Variants in RALY observed in about 807,000 individuals in gnomAD.
RALY encodes the protein RNA-binding protein Raly.
A neutral mutation model predicts 30.7 loss-of-function variants in RALY; 15 were observed. The observed-to-expected ratio is 0.49, with a 90% CI of 0.33 to 0.75. The LOEUF is 0.75. Ranked by LOEUF, RALY falls within the 30% of genes least tolerant of loss-of-function variation. The pLI is 0.02. For synonymous variants in RALY, 177 were observed against 170.8 expected (o/e 1.04, Z -0.28); for missense variants, 339 against 414.3 (o/e 0.82, Z 1.58).
chr20:34,049,082 GA>G (rs2032989716), intron 2 of RALY: 1 of 152,950 alleles, frequency 6.5e-6, no homozygotes, highest in African/African-American at 2.4e-5. Context: ...GAGAGATGAG[GA>G]AGGTTATGGC....
chr20:34,078,686 A>G, intron 9 of RALY, 133 bp downstream of exon 9: 1 of 780,278 alleles, frequency 1.3e-6, no homozygotes, highest in Non-Finnish European at 1.8e-6. Flanking sequence ...CCAAGAATGA[A>G]GTCCCCTCCA....
intron 2 of RALY, among the ~76,000 whole-genome samples, chr20:34,056,592 A>G (rs2033251420): frequency 6.6e-6 from 1 of 152,222 alleles, no homozygotes; most frequent in African/African-American, 2.4e-5. Flanking sequence ...TCTTTTTAGC[A>G]TGTTATTCCT....
At chr20:34,008,355 A>G (rs947041205) in intron 1 of RALY, among the ~76,000 whole-genome samples, 1 of 152,192 alleles carries the variant, frequency 6.6e-6, no homozygotes, top group Non-Finnish European at 1.5e-5. Context: ...AGGGGAGAAC[A>G]TATATTTAGC....
chr20:34,048,424 G>C (rs1483424253), intron 2 of RALY, among the ~76,000 whole-genome samples: 1 of 152,114 alleles, frequency 6.6e-6, no homozygotes, highest in Non-Finnish European at 1.5e-5. Context: ...TAACAATGGA[G>C]GGACCTTCTG....
intron 2 of RALY, chr20:34,049,189 C>T (rs1192672922): frequency 6.5e-6 from 1 of 153,984 alleles, no homozygotes; most frequent in Admixed American, 6.5e-5. Context: ...AAAGTTGAAT[C>T]TTGCTAGAGT....
At chr20:34,053,157 G>A (rs1465303007) in intron 2 of RALY, among the ~76,000 whole-genome samples, 3 of 151,846 alleles carry the variant, frequency 2.0e-5, no homozygotes, top group Non-Finnish European at 4.4e-5. Flanking sequence ...ACCACATCCA[G>A]CCCAAAAATA....
At chr20:34,023,827 TA>T (rs2031920023) in intron 1 of RALY, among the ~76,000 whole-genome samples, 1 of 151,708 alleles carries the variant, frequency 6.6e-6, no homozygotes, top group Non-Finnish European at 1.5e-5. Context: ...CAGTATAGAA[TA>T]ACTTTGGAGG....
rs1304573059 is a variant in RALY, at chr20:34,080,791, T to G, written c.*886T>G. On this transcript the variant is annotated 3_prime_UTR_variant, in exon 10 of 10. Coordinates refer to ENST00000246194, the MANE Select transcript of RALY (RefSeq NM_016732.3). ...ATGTAGGGTGTAAGATCCTGCTTAC[T>G]CCAGCCTCTCCTGTTTCTTGTCACC... is the stretch of plus-strand genomic sequence containing the variant. The G allele has an allele frequency of 6.6e-6, 1 of 152,386 alleles. No homozygotes were observed. The highest frequency in any genetic ancestry group is 6.5e-5 in the Admixed American group (1 of 15,288). The allele number at this position is 152,386 out of a possible 1,614,324, so 9.4% of individuals were successfully genotyped here. A position where few individuals can be genotyped will look rare whatever the true frequency, so the allele number is the denominator to read the frequency against.
intron 1 of RALY, among the ~76,000 whole-genome samples, chr20:33,998,506 A>G (rs2424976): frequency 0.92 from 140,719 of 152,244 alleles, 65,172 homozygotes; most frequent in East Asian, 1. Context: ...GGGCCAAGAG[A>G]GCTAAACAAA....
rs1229275344 is a variant in RALY, at chr20:34,080,821, C to G, written c.*916C>G. On this transcript the variant is annotated 3_prime_UTR_variant, in exon 10 of 10. Coordinates refer to ENST00000246194, the MANE Select transcript of RALY (RefSeq NM_016732.3). ...CCTCTCCTGTTTCTTGTCACCACCC[C>G]TTTCCTGCCCCTGACACAAACCCTA... is the stretch of plus-strand genomic sequence containing the variant. The G allele has an allele frequency of 2.6e-5, 4 of 152,536 alleles. No homozygotes were observed. The East Asian group carries it at 7.7e-4, about 29-fold the overall frequency. 9.4% of individuals were successfully genotyped at this position (152,536 alleles called of 1,614,324 possible).
In RALY at chr20:33,994,355, G is replaced by A. The variant is rs139784011; in HGVS notation, c.-93+224G>A. On this transcript the variant is annotated intron_variant, in intron 1 of 9. Transcript: ENST00000246194. ...TCCCCGGCCCCAGCCCTCCGCGCCCGGTCCTGCTCCCGGCGTTCCCTGTCT... is the reference window on the plus strand; with the variant it reads ...TCCCCGGCCCCAGCCCTCCGCGCCCAGTCCTGCTCCCGGCGTTCCCTGTCT... 1,067 of 152,836 alleles carry A rather than the reference G, an allele frequency of 7.0e-3. 12 individuals are homozygous for A. Among genetic ancestry groups the A allele is most frequent in the African/African-American group, 0.023 (961 of 41,592 alleles). The allele number at this position is 152,836 out of a possible 1,614,324, so 9.5% of individuals were successfully genotyped here. A position where few individuals can be genotyped will look rare whatever the true frequency, so the allele number is the denominator to read the frequency against.
At chr20:34,050,499 A>G (rs2033040480) in intron 2 of RALY, among the ~76,000 whole-genome samples, 1 of 152,220 alleles carries the variant, frequency 6.6e-6, no homozygotes, top group Non-Finnish European at 1.5e-5. Flanking sequence ...GAGGGAGCAG[A>G]TGGCCACAGC....
intron 3 of RALY, 123 bp downstream of exon 3, chr20:34,072,453 T>C (rs905977877): frequency 2.3e-6 from 3 of 1,285,284 alleles, no homozygotes; most frequent in Non-Finnish European, 3.1e-6. Flanking sequence ...TATAAATTTA[T>C]AAGCTATGTT....
intron 1 of RALY, among the ~76,000 whole-genome samples, chr20:34,013,007 C>T (rs889721516): frequency 6.6e-6 from 1 of 152,184 alleles, no homozygotes; most frequent in Non-Finnish European, 1.5e-5. Flanking sequence ...ACTCATACAG[C>T]TAGTCTGTTT....
intron 2 of RALY, among the ~76,000 whole-genome samples, chr20:34,064,770 C>T (rs545426753): frequency 7.9e-5 from 12 of 152,136 alleles, no homozygotes; most frequent in Non-Finnish European, 1.5e-4. Context: ...TTGGGTTATC[C>T]AGTTTCTTAA....
rs757535526 is a variant in RALY at position 34,076,698 on chromosome 20, C to T, written c.545-4C>T. ...TGACAGCCCTGTCCCCCCTCCACTC[C>T]CAGTAAAGAGCAGTGAGCTGCAGGC... is the stretch of plus-strand genomic sequence containing the variant. On this transcript the variant is annotated splice_region_variant and splice_polypyrimidine_tract_variant and intron_variant, in intron 6 of 9. Coordinates refer to ENST00000246194, the MANE Select transcript of RALY (RefSeq NM_016732.3). 1.2e-6 allele frequency: 2 copies of T among 1,613,520 alleles called. No individual in the cohort carries two copies. Among genetic ancestry groups the T allele is most frequent in the South Asian group, 1.1e-5 (1 of 91,012 alleles).
At chr20:34,038,600 A>G (rs1047441011) in intron 2 of RALY, among the ~76,000 whole-genome samples, 3 of 152,194 alleles carry the variant, frequency 2.0e-5, no homozygotes, top group Non-Finnish European at 4.4e-5. Context: ...AGAGTCAACA[A>G]TTCTGAGTAC....
chr20:34,061,623 T>G (rs2033420099), intron 2 of RALY, among the ~76,000 whole-genome samples: 3 of 152,244 alleles, frequency 2.0e-5, no homozygotes, highest in Admixed American at 2.0e-4. Flanking sequence ...ATTATGAGAT[T>G]AATAATACCT....
At chr20:33,994,990 A>G (rs1291915624) in intron 1 of RALY, among the ~76,000 whole-genome samples, 1 of 152,182 alleles carries the variant, frequency 6.6e-6, no homozygotes, top group Non-Finnish European at 1.5e-5. Context: ...ACAGAAGTGC[A>G]AAGGAGTGGT....
Sources: allele counts gnomAD v4.1 joint callset (sites outside exome capture counted in the v4.1 genomes callset), GRCh38; gene constraint gnomAD v4.1.1; transcripts MANE v1.5; gene names NCBI Gene and HGNC (gene_info 2026-07-23, HGNC 2026-07-21).